KLF8: variants seen among roughly 807,000 people sequenced by gnomAD.
The protein encoded by KLF8 is Krueppel-like factor 8.
KLF8 carries 10 observed loss-of-function variants against 18.2 expected under a neutral mutation model. The ratio of observed to expected loss-of-function variants is 0.55; its 90% CI spans 0.34 to 0.93. The LOEUF is 0.93. KLF8 is among the 40% of genes least tolerant of loss of function. The pLI, the probability that KLF8 is intolerant of heterozygous loss-of-function variation, is 0.02. For synonymous variants in KLF8, 109 were observed against 97.3 expected (o/e 1.12, Z -0.71); for missense variants, 264 against 277.9 (o/e 0.95, Z 0.36).
the KLF8 span, among the ~76,000 whole-genome samples, chrX:56,093,019 A>G: frequency 0.078 from 8,610 of 110,363 alleles, 816 homozygotes; most frequent in African/African-American, 0.27. Context: ...ATGAATGAAA[A>G]AAAAAAAACA....
At chrX:56,080,525 G>A in the KLF8 span, among the ~76,000 whole-genome samples, 96 of 111,653 alleles carry the variant, frequency 8.6e-4, no homozygotes, top group Non-Finnish European at 4.9e-4. Context: ...TCCACTGTTA[G>A]TCTGATGGGC....
chrX:55,989,253 G>T, the KLF8 span, among the ~76,000 whole-genome samples: 1 of 111,985 alleles, frequency 8.9e-6, no homozygotes, highest in Non-Finnish European at 1.9e-5. Flanking sequence ...AATAGGGGTG[G>T]TGAGAGAGGG....
intron 3 of KLF8, chrX:56,269,005 AACAC>A (rs10584898): frequency 7.2e-3 from 4,676 of 649,330 alleles, no homozygotes; most frequent in East Asian, 0.017. Flanking sequence ...AGTTCAATTC[AACAC>A]ACACACACAC....
chrX:55,978,435 A>T, the KLF8 span, among the ~76,000 whole-genome samples: 1 of 112,068 alleles, frequency 8.9e-6, no homozygotes, highest in Non-Finnish European at 1.9e-5. Context: ...TATTTTCTTT[A>T]CAAAAATCTC....
chrX:56,102,444 G>C, the KLF8 span, among the ~76,000 whole-genome samples: 10 of 111,145 alleles, frequency 9.0e-5, no homozygotes, highest in African/African-American at 2.9e-4. Flanking sequence ...GCTCTATTTT[G>C]GTTCCGCATG....
the KLF8 span, among the ~76,000 whole-genome samples, chrX:56,063,006 A>C: frequency 9.0e-6 from 1 of 110,702 alleles, no homozygotes; most frequent in Non-Finnish European, 1.9e-5. Flanking sequence ...TGTGTTTTTC[A>C]GCTCCATCAG....
the KLF8 span, among the ~76,000 whole-genome samples, chrX:56,031,421 T>C: frequency 8.9e-6 from 1 of 112,094 alleles, no homozygotes; most frequent in Non-Finnish European, 1.9e-5. Context: ...TCCACTCAGA[T>C]GGAGTGGGCA....
chrX:56,245,912 G>A lies in KLF8; in HGVS notation c.8-4319G>A, dbSNP rs749542489. 3.6e-5 allele frequency among the ~76,000 whole-genome samples: 4 copies of A among 111,733 alleles called. No homozygotes were observed. In the South Asian group the frequency reaches 1.5e-3, roughly 42 times the overall value. On this transcript the variant is annotated intron_variant, in intron 1 of 5. Transcript: ENST00000468660. ...GAGCCTTCTTTAAGACCTTCTGTGG[G>A]CCTTAATTTTCTTCAGTTTTCAATT... is the stretch of plus-strand genomic sequence containing the variant.
intron 5 of KLF8, among the ~76,000 whole-genome samples, chrX:56,273,196 T>C (rs1395411502): frequency 2.7e-5 from 3 of 111,468 alleles, no homozygotes; most frequent in African/African-American, 9.8e-5. Context: ...TGTGGGTACG[T>C]AGTAGGTTTA....
the KLF8 span, among the ~76,000 whole-genome samples, chrX:56,200,654 C>CAA: frequency 9.8e-6 from 1 of 101,672 alleles, no homozygotes; most frequent in Non-Finnish European, 2.0e-5. Flanking sequence ...AGGAAACAAT[C>CAA]AAAAAAAAAA....
At chrX:55,991,072 T>A in the KLF8 span, among the ~76,000 whole-genome samples, 1 of 112,303 alleles carries the variant, frequency 8.9e-6, no homozygotes, top group Non-Finnish European at 1.9e-5. Context: ...TGCTGCTTTT[T>A]GTTTGGCTAT....
At chrX:55,996,659 A>G in the KLF8 span, among the ~76,000 whole-genome samples, 1 of 111,810 alleles carries the variant, frequency 8.9e-6, no homozygotes, top group Non-Finnish European at 1.9e-5. Flanking sequence ...CTTGGGCTGC[A>G]TACTCTAATT....
At chrX:56,166,452 A>G in the KLF8 span, among the ~76,000 whole-genome samples, 1 of 111,985 alleles carries the variant, frequency 8.9e-6, no homozygotes, top group African/African-American at 3.2e-5. Context: ...TAATGTCTTC[A>G]TATTACCGTA....
chrX:56,070,572 A>G, the KLF8 span, among the ~76,000 whole-genome samples: 2 of 111,323 alleles, frequency 1.8e-5, no homozygotes, highest in Non-Finnish European at 1.9e-5. Flanking sequence ...ACAGGAACCC[A>G]AACACTACAT....
At chrX:56,284,224 C>A in intron 5 of KLF8, 89 bp from the exon 6 acceptor site, 1 of 733,774 alleles carries the variant, frequency 1.4e-6, no homozygotes, top group Non-Finnish European at 1.9e-6. Flanking sequence ...TTCACTAAAG[C>A]CTTGATACGA....
At chrX:55,996,714 C>A in the KLF8 span, among the ~76,000 whole-genome samples, 4 of 111,810 alleles carry the variant, frequency 3.6e-5, no homozygotes, top group Non-Finnish European at 5.6e-5. Context: ...CTGGCCCCTA[C>A]AGGTTGAACA....
At chrX:56,082,315 T>C in the KLF8 span, among the ~76,000 whole-genome samples, 1 of 111,794 alleles carries the variant, frequency 8.9e-6, no homozygotes, top group East Asian at 2.8e-4. Flanking sequence ...TCATGATTCA[T>C]TTGTGATGTC....
the KLF8 span, among the ~76,000 whole-genome samples, chrX:56,198,172 C>T: frequency 1.8e-5 from 2 of 112,038 alleles, no homozygotes; most frequent in African/African-American, 6.5e-5. Context: ...CCTTTGAAAA[C>T]TGGCACAAGC....
the KLF8 span, among the ~76,000 whole-genome samples, chrX:56,185,900 C>G: frequency 5.4e-5 from 6 of 111,833 alleles, no homozygotes; most frequent in Admixed American, 5.7e-4. Flanking sequence ...GGAATAACTG[C>G]TACCAGCCAC....
Sources: allele counts gnomAD v4.1 joint callset (sites outside exome capture counted in the v4.1 genomes callset), GRCh38; gene constraint gnomAD v4.1.1; transcripts MANE v1.5; gene names NCBI Gene and HGNC (gene_info 2026-07-23, HGNC 2026-07-21).